Variants in CYP4F8 observed in about 807,000 individuals in gnomAD.
CYP4F8 encodes the protein cytochrome P450 4F8.
A neutral mutation model predicts 55.0 loss-of-function variants in CYP4F8; 56 were observed. The ratio of observed to expected loss-of-function variants is 1.02; its 90% CI spans 0.82 to 1.27. CYP4F8 has a LOEUF of 1.27. Among genes scored for constraint, CYP4F8 ranks in the 50% most tolerant of loss-of-function variants. The pLI is 0.00. For synonymous variants in CYP4F8, 288 were observed against 267.3 expected (o/e 1.08, Z -0.76); for missense variants, 680 against 682.4 (o/e 1.00, Z 0.04).
intron 12 of CYP4F8, 68 bp downstream of exon 12, chr19:15,628,911 C>A: frequency 6.7e-7 from 1 of 1,482,476 alleles, no homozygotes; most frequent in South Asian, 1.3e-5. Flanking sequence ...TTGTCAGATG[C>A]CTGACTTGTA....
Position 15,624,058 on chromosome 19 carries a change from A to G in CYP4F8, c.1079A>G (p.Glu360Gly). ...YQERCRQEVQELLKDREPKEI... is the reference protein window; with the variant it reads ...YQERCRQEVQGLLKDREPKEI... ...GAACGCTGCCGGCAGGAGGTGCAAGAGCTTCTGAAGGACCGTGAGCCTAAA... is the reference window on the plus strand; with the variant it reads ...GAACGCTGCCGGCAGGAGGTGCAAGGGCTTCTGAAGGACCGTGAGCCTAAA... Residue 360 changes from glutamate (E) to glycine (G), a missense_variant, in exon 9 of 13, where the codon GAG (glutamate) becomes GGG (glycine). Physicochemically the swap from Glu to Gly is moderately conservative, Grantham distance 98. Transcript: ENST00000612078. 1 of 1,614,090 alleles carries G rather than the reference A, an allele frequency of 6.2e-7. No individual in the cohort carries two copies. Among genetic ancestry groups the G allele is most frequent in the Non-Finnish European group, 8.5e-7 (1 of 1,180,006 alleles).
In CYP4F8 at chr19:15,628,857, G is replaced by T. The variant is rs778954214; in HGVS notation, c.1397+14G>T. 5 of 1,578,382 alleles carry T rather than the reference G, an allele frequency of 3.2e-6. No individual in the cohort carries two copies. Among genetic ancestry groups the T allele is most frequent in the Non-Finnish European group, 4.3e-6 (5 of 1,164,078 alleles). On this transcript the variant is annotated intron_variant, in intron 12 of 12. Transcript: ENST00000612078. ...GGCGGGGCCCAGGTGAGGCCAGGGG[G>T]TGTCTGAGGTGGGCATGGGCTGAGG...
chr19:15,618,084 A>G lies in CYP4F8; in HGVS notation c.283A>G (p.Ile95Val), dbSNP rs538767292. 1 of 1,614,004 alleles carries G rather than the reference A, an allele frequency of 6.2e-7. No individual in the cohort carries two copies. The highest frequency in any genetic ancestry group is 1.7e-5 in the Admixed American group (1 of 60,006). Reference protein sequence around the residue: ...PQGFVRWLGPITPIINLCHPD... With the variant: ...PQGFVRWLGPVTPIINLCHPD... ...GGGCTTTGTGAGGTGGTTGGGCCCC[A>G]TCACTCCCATCATCAACTTGTGCCA... Residue 95 changes from isoleucine to valine, a missense_variant, in exon 3 of 13, where the codon ATC (isoleucine) becomes GTC (valine). Transcript: ENST00000612078.
Position 15,615,779 on chromosome 19 carries a change from C to A in CYP4F8, c.163C>A (p.Arg55=), listed in dbSNP as rs778120229. Residue 55 remains arginine (R), a synonymous_variant, in exon 2 of 13, where the codon CGG becomes AGG. Transcript: ENST00000612078. The part of the protein sequence containing the change: ...GRRLRCFPQP[R]KQNWFLGHLG... ...CCGCCTCCGGTGTTTCCCGCAGCCC[C>A]GGAAACAGAACTGGTTCTTGGGTCA... is the stretch of plus-strand genomic sequence containing the variant. 5.0e-6 allele frequency: 8 copies of A among 1,613,512 alleles called. No individual in the cohort carries two copies. Among genetic ancestry groups the A allele is most frequent in the Non-Finnish European group, 5.9e-6 (7 of 1,179,742 alleles).
chr19:15,629,547 A>C lies in CYP4F8; in HGVS notation c.*189A>C, dbSNP rs1033971605. On this transcript the variant is annotated 3_prime_UTR_variant, in exon 13 of 13. Coordinates refer to ENST00000612078, the MANE Select transcript of CYP4F8 (RefSeq NM_007253.4). ...GAGGCGGGGAGATGTCTCTGTGCCCAAGATACTCACTGCCTCTCTGGGTGA... is the reference window on the plus strand; with the variant it reads ...GAGGCGGGGAGATGTCTCTGTGCCCCAGATACTCACTGCCTCTCTGGGTGA... 3 of 757,500 alleles carry C rather than the reference A, an allele frequency of 4.0e-6. No homozygotes were observed. The highest frequency in any genetic ancestry group is 6.0e-6 in the Non-Finnish European group (3 of 503,510). The allele number at this position is 757,500 out of a possible 1,614,324, so 46.9% of individuals were successfully genotyped here.
In CYP4F8 at chr19:15,628,779, T is replaced by C. The variant is rs892329438; in HGVS notation, c.1333T>C (p.Phe445Leu). ...PDPEVYDPFR[F>L]DPENAQKRSP... is the part of the protein sequence containing the mutation. ...ACCCCAGGTCTATGACCCCTTCCGC[T>C]TCGACCCAGAAAACGCCCAGAAGAG... The change falls in exon 12 of 13, where the codon TTC (phenylalanine) becomes CTC (leucine). Residue 445 changes from phenylalanine to leucine, a missense_variant. By Grantham distance (22) the Phe-to-Leu change is conservative. Transcript: ENST00000612078. 4 of 1,611,970 alleles carry C rather than the reference T, an allele frequency of 2.5e-6. No homozygotes were observed. The highest frequency in any genetic ancestry group is 1.7e-5 in the Admixed American group (1 of 59,408).
chr19:15,626,526 G>T lies in CYP4F8; in HGVS notation c.1116-1776G>T, dbSNP rs138334604. ...CATGAATTCTTAGATCAAATCCTTTGTCTACTTTTCACTTGGGTTACCTGT... is the reference window on the plus strand; with the variant it reads ...CATGAATTCTTAGATCAAATCCTTTTTCTACTTTTCACTTGGGTTACCTGT... On this transcript the variant is annotated intron_variant, in intron 9 of 12. Transcript: ENST00000612078. Among the ~76,000 whole-genome samples, 99 of 152,222 alleles carry T rather than the reference G, an allele frequency of 6.5e-4. 1 individual carries two copies. The East Asian group carries it at 0.019, about 29-fold the overall frequency.
chr19:15,626,605 A>ATATCTAC (rs532590274), intron 9 of CYP4F8, among the ~76,000 whole-genome samples: 2,473 of 146,946 alleles, frequency 0.017, 30 homozygotes, highest in Non-Finnish European at 0.027. Flanking sequence ...ATTGTTCTGG[A>ATATCTAC]TATCTATCTA....
chr19:15,618,069 A>G lies in CYP4F8; in HGVS notation c.268A>G (p.Arg90Gly). The G allele has an allele frequency of 5.0e-6, 8 of 1,613,932 alleles. No individual in the cohort carries two copies. The highest frequency in any genetic ancestry group is 3.3e-5 in the South Asian group (3 of 91,066). ...GGCCACCTACCCCCAGGGCTTTGTG[A>G]GGTGGTTGGGCCCCATCACTCCCAT... ...LVATYPQGFV[R>G]WLGPITPIIN... The change falls in exon 3 of 13, where the codon AGG becomes GGG. Residue 90 changes from arginine to glycine, a missense_variant. Transcript: ENST00000612078.
intron 3 of CYP4F8, chr19:15,618,962 A>G (rs4646526): frequency 0.9 from 149,232 of 165,172 alleles, 67,510 homozygotes; most frequent in Admixed American, 0.95. Context: ...CCATGGCTCA[A>G]GCCCCAAAAT....
At chr19:15,623,562 G>T (rs1972223213) in intron 7 of CYP4F8, 137 bp from the exon 8 acceptor site, 2 of 993,374 alleles carry the variant, frequency 2.0e-6, no homozygotes, top group Non-Finnish European at 2.7e-6. Context: ...ACAAACAGGA[G>T]GTCGGAAGGA....
intron 7 of CYP4F8, 26 bp downstream of exon 7, chr19:15,623,401 A>G (rs1210011306): frequency 6.2e-7 from 1 of 1,609,324 alleles, no homozygotes; most frequent in Non-Finnish European, 8.5e-7. Flanking sequence ...ATCTGAATTC[A>G]AGAGGTAAAA....
At chr19:15,619,882 C>A in intron 5 of CYP4F8, 120 bp downstream of exon 5, 2 of 1,267,162 alleles carry the variant, frequency 1.6e-6, no homozygotes, top group Non-Finnish European at 2.2e-6. Flanking sequence ...CCTCTCTGTG[C>A]CTTGATTTCC....
Position 15,615,780 on chromosome 19 carries a change from G to A in CYP4F8, c.164G>A (p.Arg55Gln), listed in dbSNP as rs377226039. The part of the protein sequence containing the change: ...GRRLRCFPQP[R>Q]KQNWFLGHLG... Reference sequence around the variant, plus strand: ...CGCCTCCGGTGTTTCCCGCAGCCCCGGAAACAGAACTGGTTCTTGGGTCAC... The same window carrying A: ...CGCCTCCGGTGTTTCCCGCAGCCCCAGAAACAGAACTGGTTCTTGGGTCAC... Residue 55 changes from arginine (R) to glutamine (Q), a missense_variant, in exon 2 of 13, where the codon CGG (arginine) becomes CAG (glutamine). Physicochemically the swap from Arg to Gln is conservative, Grantham distance 43. Coordinates refer to ENST00000612078, the MANE Select transcript of CYP4F8 (RefSeq NM_007253.4). The A allele has an allele frequency of 5.0e-6, 8 of 1,613,656 alleles. No individual in the cohort carries two copies. The East Asian group carries it at 8.9e-5, about 18-fold the overall frequency.
At chr19:15,628,668 C>A in intron 11 of CYP4F8, 73 bp downstream of exon 11, 1 of 1,605,806 alleles carries the variant, frequency 6.2e-7, no homozygotes. Flanking sequence ...AAACCAGATA[C>A]TCCCTCTCTA....
rs1972319465 is a variant in CYP4F8 at position 15,630,320 on chromosome 19, C to A, written c.*962C>A. ...GTTTTTCAGCTTTTCCCCCTCCCTG[C>A]TTCCCCTGTCTAGTAGTCCCCAGGA... On this transcript the variant is annotated 3_prime_UTR_variant, in exon 13 of 13. Transcript: ENST00000612078. 6.6e-6 allele frequency: 1 copy of A among 152,198 alleles called. No homozygotes were observed. The highest frequency in any genetic ancestry group is 2.1e-4 in the South Asian group (1 of 4,830). 9.4% of individuals were successfully genotyped at this position (152,198 alleles called of 1,614,324 possible).
Position 15,622,320 on chromosome 19 carries a change from C to A in CYP4F8, c.627C>A (p.Ser209Arg). The part of the protein sequence containing the change: ...TLDSLQKCIF[S>R]FDSNCQEKPS... ...ACAGTCTGCAGAAATGCATCTTCAG[C>A]TTTGACAGCAATTGTCAGGAGTGAG... is the stretch of plus-strand genomic sequence containing the variant. The change falls in exon 6 of 13, where the codon AGC becomes AGA. Residue 209 changes from serine to arginine, a missense_variant. By Grantham distance (110) the Ser-to-Arg change is moderately radical. Coordinates refer to ENST00000612078, the MANE Select transcript of CYP4F8 (RefSeq NM_007253.4). 1 of 1,550,872 alleles carries A rather than the reference C, an allele frequency of 6.4e-7. No homozygotes were observed. The highest frequency in any genetic ancestry group is 8.8e-7 in the Non-Finnish European group (1 of 1,142,232).
chr19:15,628,868 GGGCATGGGCTGAGGGT>G (rs1402346986), intron 12 of CYP4F8, 25 bp downstream of exon 12: 1 of 1,567,484 alleles, frequency 6.4e-7, no homozygotes, highest in Non-Finnish European at 8.6e-7. Flanking sequence ...TGTCTGAGGT[GGGCATGGGCTGAGGGT>G]GGCACAGATG....
At position 15,628,599 on chromosome 19, in the gene CYP4F8, C is replaced by G; in HGVS notation, c.1314+4C>G. ...CTCAGTCTGGCCAGACCCTGAGGTG[C>G]TGCCCCTCCCTGTTTCTCCATCCCC... On this transcript the variant is annotated splice_donor_region_variant and intron_variant, in intron 11 of 12. Coordinates refer to ENST00000612078, the MANE Select transcript of CYP4F8 (RefSeq NM_007253.4). 6.2e-6 allele frequency: 10 copies of G among 1,613,132 alleles called. No individual in the cohort carries two copies. Among genetic ancestry groups the G allele is most frequent in the Non-Finnish European group, 8.5e-6 (10 of 1,179,472 alleles).
Sources: gnomAD v4.1 joint callset for allele counts (sites outside exome capture counted in the v4.1 genomes callset) on GRCh38, gnomAD v4.1.1 for gene constraint, MANE v1.5 for transcripts, NCBI Gene and HGNC (gene_info 2026-07-23, HGNC 2026-07-21) for gene names.